Variants in MAF observed in about 807,000 individuals in gnomAD.
The protein encoded by MAF is transcription factor Maf.
In MAF, 10 loss-of-function variants were observed where a neutral mutation model predicts 22.0. The observed-to-expected ratio is 0.45, with a 90% CI of 0.28 to 0.77. The LOEUF (loss-of-function observed/expected upper bound fraction) is 0.77, where lower values mean the gene tolerates loss of function less well. Among genes scored for constraint, MAF ranks in the 30% least tolerant of loss-of-function variants. The pLI, the probability that MAF is intolerant of heterozygous loss-of-function variation, is 0.12. For missense variants in MAF, 544 were observed against 548.4 expected (o/e 0.99, Z 0.08); for synonymous variants, 337 against 255.8 (o/e 1.32, Z -3.03).
chr16:79,545,062 G>C, the MAF span, among the ~76,000 whole-genome samples: 11 of 152,122 alleles, frequency 7.2e-5, no homozygotes, highest in Admixed American at 2.0e-4. Flanking sequence ...CACTTTCCAA[G>C]AAGACACTCA....
the MAF span, among the ~76,000 whole-genome samples, chr16:79,251,417 G>A: frequency 6.7e-6 from 1 of 149,532 alleles, no homozygotes; most frequent in Non-Finnish European, 1.5e-5. Context: ...TTGGGTTCAA[G>A]CAATTCTCCT....
chr16:79,548,757 T>A, the MAF span, among the ~76,000 whole-genome samples: 29 of 152,158 alleles, frequency 1.9e-4, no homozygotes, highest in African/African-American at 5.3e-4. Context: ...ACCATACTCA[T>A]GGACTCATGG....
chr16:79,491,659 T>TA, the MAF span, among the ~76,000 whole-genome samples: 1 of 152,076 alleles, frequency 6.6e-6, no homozygotes, highest in South Asian at 2.1e-4. Flanking sequence ...TGTAACAAAA[T>TA]AAAAAATATT....
downstream of MAF, among the ~76,000 whole-genome samples, chr16:79,583,214 T>C (rs975565489): frequency 6.6e-6 from 1 of 152,224 alleles, no homozygotes; most frequent in African/African-American, 2.4e-5. Flanking sequence ...GATTTCTGAG[T>C]ACTTTTTACT....
At chr16:79,563,126 G>A in the MAF span, among the ~76,000 whole-genome samples, 2 of 152,112 alleles carry the variant, frequency 1.3e-5, no homozygotes, top group African/African-American at 2.4e-5. Context: ...TATCGTACGG[G>A]CTGAAGGCTG....
At chr16:79,256,566 G>C in the MAF span, among the ~76,000 whole-genome samples, 1 of 152,118 alleles carries the variant, frequency 6.6e-6, no homozygotes, top group Non-Finnish European at 1.5e-5. Flanking sequence ...GCGTACCTGA[G>C]TTGACAGTGA....
chr16:79,326,766 G>A, the MAF span, among the ~76,000 whole-genome samples: 1 of 152,174 alleles, frequency 6.6e-6, no homozygotes, highest in Non-Finnish European at 1.5e-5. Flanking sequence ...GGCTGCATTT[G>A]GCATGCAGGC....
the MAF span, among the ~76,000 whole-genome samples, chr16:79,354,406 C>T: frequency 0.064 from 9,758 of 152,110 alleles, 788 homozygotes; most frequent in African/African-American, 0.19. Flanking sequence ...TGCAATTCAC[C>T]ATTATGTGTG....
chr16:79,544,002 G>C, the MAF span, among the ~76,000 whole-genome samples: 1 of 152,182 alleles, frequency 6.6e-6, no homozygotes, highest in South Asian at 2.1e-4. Context: ...CTCTTTTCTT[G>C]TACCAAGGTA....
At chr16:79,394,375 T>C in the MAF span, among the ~76,000 whole-genome samples, 20 of 152,322 alleles carry the variant, frequency 1.3e-4, no homozygotes, top group African/African-American at 4.8e-4. Context: ...CGGGAGGCTC[T>C]CCCTGACTTC....
chr16:79,524,006 T>C, the MAF span, among the ~76,000 whole-genome samples: 1 of 152,164 alleles, frequency 6.6e-6, no homozygotes, highest in African/African-American at 2.4e-5. Flanking sequence ...AGCCATCCAG[T>C]ATAAATAGAC....
At chr16:79,543,006 TTTTC>T in the MAF span, among the ~76,000 whole-genome samples, 1 of 152,266 alleles carries the variant, frequency 6.6e-6, no homozygotes, top group Non-Finnish European at 1.5e-5. Context: ...TGCAGTTATG[TTTTC>T]TCTCTCCATC....
chr16:79,257,543 A>G, the MAF span, among the ~76,000 whole-genome samples: 1 of 152,156 alleles, frequency 6.6e-6, no homozygotes, highest in Non-Finnish European at 1.5e-5. Flanking sequence ...GCAGTGGGTC[A>G]TGGTGAGTGA....
the MAF span, among the ~76,000 whole-genome samples, chr16:79,389,685 C>G: frequency 6.6e-6 from 1 of 152,194 alleles, no homozygotes; most frequent in East Asian, 1.9e-4. Context: ...GCCATCAAAT[C>G]CTTAGATCAG....
downstream of MAF, among the ~76,000 whole-genome samples, chr16:79,584,232 G>A (rs533779098): frequency 6.6e-6 from 1 of 152,184 alleles, no homozygotes; most frequent in African/African-American, 2.4e-5. Context: ...CCAGAGAGCA[G>A]AAAAGCTAGT....
At chr16:79,533,791 G>C in the MAF span, among the ~76,000 whole-genome samples, 5 of 152,158 alleles carry the variant, frequency 3.3e-5, no homozygotes, top group Non-Finnish European at 7.3e-5. Flanking sequence ...TGCGTGTGAG[G>C]ATGTGGAGAG....
chr16:79,502,576 G>T, the MAF span, among the ~76,000 whole-genome samples: 1 of 151,416 alleles, frequency 6.6e-6, no homozygotes, highest in African/African-American at 2.4e-5. Flanking sequence ...TGGGGTGAGA[G>T]GATAGCCTGA....
chr16:79,477,110 A>C, the MAF span, among the ~76,000 whole-genome samples: 10 of 152,190 alleles, frequency 6.6e-5, no homozygotes, highest in Non-Finnish European at 1.5e-4. Context: ...TAGCAAAGCA[A>C]TGGTTGAAAG....
chr16:79,582,922 G>C (rs553005878), downstream of MAF, among the ~76,000 whole-genome samples: 1 of 152,168 alleles, frequency 6.6e-6, no homozygotes, highest in Non-Finnish European at 1.5e-5. Flanking sequence ...CAGCCACCTG[G>C]ATTTTTCAAA....
Sources: allele counts gnomAD v4.1 joint callset (sites outside exome capture counted in the v4.1 genomes callset), GRCh38; gene constraint gnomAD v4.1.1; transcripts MANE v1.5; gene names NCBI Gene and HGNC (gene_info 2026-07-23, HGNC 2026-07-21).